TTC39C: variants seen among roughly 807,000 people sequenced by gnomAD.
TTC39C encodes the protein tetratricopeptide repeat protein 39C.
A neutral mutation model predicts 76.3 loss-of-function variants in TTC39C; 33 were observed. That is an observed-to-expected ratio of 0.43 (90% confidence interval 0.33 to 0.58). TTC39C has a LOEUF of 0.58. TTC39C is among the 20% of genes least tolerant of loss of function. The pLI is 0.04. For missense variants in TTC39C, 595 were observed against 701.4 expected (o/e 0.85, Z 1.71); for synonymous variants, 254 against 260.6 (o/e 0.97, Z 0.24).
At chr18:24,051,298 C>G (rs116775800) in intron 1 of TTC39C, among the ~76,000 whole-genome samples, 2,842 of 152,264 alleles carry the variant, frequency 0.019, 94 homozygotes, top group African/African-American at 0.063. Flanking sequence ...CAGCGTATTA[C>G]GAAGTCTTTT....
At chr18:24,106,629 G>A (rs1008495754) in intron 6 of TTC39C, among the ~76,000 whole-genome samples, 1 of 152,320 alleles carries the variant, frequency 6.6e-6, no homozygotes, top group Middle Eastern at 3.4e-3. Flanking sequence ...AGAGACCCAT[G>A]GGGATGAGGG....
intron 8 of TTC39C, among the ~76,000 whole-genome samples, chr18:24,119,144 A>T (rs1381282412): frequency 6.6e-6 from 1 of 152,052 alleles, no homozygotes; most frequent in African/African-American, 2.4e-5. Context: ...TTTTTTGCCC[A>T]TGTATGAGGA....
At chr18:24,107,893 G>GT (rs2084766484) in intron 6 of TTC39C, among the ~76,000 whole-genome samples, 2 of 145,348 alleles carry the variant, frequency 1.4e-5, no homozygotes, top group South Asian at 4.4e-4. Context: ...CAAGTAGGGG[G>GT]GGGGGTACAG....
intron 8 of TTC39C, chr18:24,121,000 T>C (rs1409131110): frequency 7.2e-5 from 11 of 152,212 alleles, no homozygotes; most frequent in Admixed American, 6.5e-4. Flanking sequence ...ACCTGGAACA[T>C]TGGTATACAG....
At chr18:24,104,688 T>TTGTTTGTG (rs1795729906) in intron 6 of TTC39C, among the ~76,000 whole-genome samples, 2 of 144,738 alleles carry the variant, frequency 1.4e-5, no homozygotes, top group Admixed American at 1.4e-4. Flanking sequence ...AGCAGGGTGT[T>TTGTTTGTG]TGTGTGTGTG....
intron 8 of TTC39C, among the ~76,000 whole-genome samples, chr18:24,118,834 T>A (rs1350933846): frequency 6.6e-6 from 1 of 151,882 alleles, no homozygotes; most frequent in Non-Finnish European, 1.5e-5. Flanking sequence ...TTAAAAAAAA[T>A]TTGTAGCAAC....
intron 3 of TTC39C, 105 bp downstream of exon 3, chr18:24,066,245 ATGAC>A: frequency 7.1e-7 from 1 of 1,400,176 alleles, no homozygotes; most frequent in Non-Finnish European, 9.6e-7. Flanking sequence ...TATTTAGAAT[ATGAC>A]TGAAAAACCA....
At chr18:24,024,001 TATATATATATATA>T (rs2083562819) in intron 1 of TTC39C, among the ~76,000 whole-genome samples, 2 of 11,312 alleles carry the variant, frequency 1.8e-4, no homozygotes, top group Admixed American at 1.0e-3. Flanking sequence ...TATATATATA[TATATATATATATA>T]TATTTTTTTT....
chr18:24,113,688 C>T (rs569828834), intron 6 of TTC39C: 12 of 702,332 alleles, frequency 1.7e-5, no homozygotes, highest in South Asian at 1.3e-4. Flanking sequence ...TAGCATTTCT[C>T]AATGCCTAAG....
At chr18:24,102,915 T>C (rs2084696924) in intron 6 of TTC39C, among the ~76,000 whole-genome samples, 1 of 152,190 alleles carries the variant, frequency 6.6e-6, no homozygotes, top group East Asian at 1.9e-4. Context: ...GAGACCAGCC[T>C]GGACAACATG....
upstream of TTC39C, among the ~76,000 whole-genome samples, chr18:24,010,551 A>C (rs137987594): frequency 4.2e-4 from 64 of 152,362 alleles, no homozygotes; most frequent in African/African-American, 1.5e-3. Flanking sequence ...GCACAACATA[A>C]AAATAGTGAT....
chr18:24,026,434 A>G (rs2083600979), intron 1 of TTC39C, among the ~76,000 whole-genome samples: 1 of 152,196 alleles, frequency 6.6e-6, no homozygotes, highest in South Asian at 2.1e-4. Context: ...ATGTGAGGAA[A>G]TAGGGTCAGA....
intron 7 of TTC39C, 94 bp from the exon 8 acceptor site, chr18:24,118,031 A>G (rs1599343067): frequency 2.2e-6 from 2 of 917,674 alleles, no homozygotes; most frequent in Non-Finnish European, 3.3e-6. Flanking sequence ...GAACATGCAC[A>G]GAGAATGATC....
intron 1 of TTC39C, among the ~76,000 whole-genome samples, chr18:24,039,295 G>C (rs1057012942): frequency 1.3e-5 from 2 of 152,176 alleles, no homozygotes; most frequent in African/African-American, 2.4e-5. Flanking sequence ...AGTCTCCCAG[G>C]GTACTGGGGC....
At chr18:24,092,508 A>G (rs2084535800) in intron 6 of TTC39C, among the ~76,000 whole-genome samples, 1 of 152,266 alleles carries the variant, frequency 6.6e-6, no homozygotes, top group South Asian at 2.1e-4. Flanking sequence ...GAATGGATAA[A>G]CAACATGTGA....
At chr18:24,101,080 G>A (rs999008449) in intron 6 of TTC39C, among the ~76,000 whole-genome samples, 2 of 152,046 alleles carry the variant, frequency 1.3e-5, no homozygotes, top group Admixed American at 6.6e-5. Context: ...GGAAGCGTTC[G>A]GTAGAACATA....
At chr18:24,066,985 A>G (rs1839677152) in intron 3 of TTC39C, among the ~76,000 whole-genome samples, 1 of 152,204 alleles carries the variant, frequency 6.6e-6, no homozygotes, top group Non-Finnish European at 1.5e-5. Context: ...CTGGGGCTAG[A>G]TTTGGAACAA....
At chr18:24,021,446 T>G (rs937378692) in intron 1 of TTC39C, among the ~76,000 whole-genome samples, 1 of 152,172 alleles carries the variant, frequency 6.6e-6, no homozygotes, top group Non-Finnish European at 1.5e-5. Context: ...TTATGTAAAA[T>G]TATTCATGCA....
intron 1 of TTC39C, among the ~76,000 whole-genome samples, chr18:24,024,199 G>C (rs1293171332): frequency 1.3e-5 from 2 of 148,562 alleles, no homozygotes; most frequent in Non-Finnish European, 3.0e-5. Flanking sequence ...TTTTAGTAGA[G>C]ACCGGGTTTC....
Sources: gnomAD v4.1 joint callset for allele counts (sites outside exome capture counted in the v4.1 genomes callset) on GRCh38, gnomAD v4.1.1 for gene constraint, MANE v1.5 for transcripts, NCBI Gene and HGNC (gene_info 2026-07-23, HGNC 2026-07-21) for gene names.